CDK12: variants seen among roughly 807,000 people sequenced by gnomAD.
CDK12 encodes the protein cyclin dependent kinase 12, also known as cyclin-dependent kinase 12.
Under a neutral mutation model 133.8 loss-of-function variants are expected in CDK12, and 17 were observed. The observed-to-expected ratio is 0.13, with a 90% CI of 0.09 to 0.19. The LOEUF (loss-of-function observed/expected upper bound fraction) is 0.19. CDK12 is among the 10% of genes least tolerant of loss of function. The pLI is 1.00. For synonymous variants in CDK12, 694 were observed against 683.6 expected (o/e 1.02, Z -0.24); for missense variants, 1,508 against 1,818.7 (o/e 0.83, Z 3.11).
intron 2 of CDK12, among the ~76,000 whole-genome samples, chr17:39,476,747 G>C (rs1384790562): frequency 1.5e-4 from 1 of 6,556 alleles, no homozygotes; most frequent in African/African-American, 3.1e-4. Flanking sequence ...TTTTGAGACA[G>C]AGTTCTGCTC....
intron 11 of CDK12, among the ~76,000 whole-genome samples, chr17:39,520,907 G>A (rs2054124263): frequency 2.0e-5 from 3 of 152,004 alleles, no homozygotes; most frequent in Admixed American, 2.0e-4. Flanking sequence ...GAGTACAATG[G>A]CGCAATCTCA....
chr17:39,472,586 A>G (rs564438268), intron 2 of CDK12, among the ~76,000 whole-genome samples: 328 of 152,046 alleles, frequency 2.2e-3, no homozygotes, highest in Non-Finnish European at 3.9e-3. Flanking sequence ...AGGCAGGAGA[A>G]TTGCTTGAAC....
Position 39,461,545 on chromosome 17 carries a change from G to A in CDK12, c.-527G>A. ...GGTCTGTGTGAGGGAGAGAGTGTGT[G>A]TGGTGTGGAGGTGAAACGGAGGCAA... On this transcript the variant is annotated 5_prime_UTR_variant, in exon 1 of 14. It adds an upstream start codon to the 5' untranslated region. Transcript: ENST00000447079. 4.0e-6 allele frequency: 1 copy of A among 249,278 alleles called. No homozygotes were observed. Among genetic ancestry groups the A allele is most frequent in the Non-Finnish European group, 7.9e-6 (1 of 125,914 alleles). The allele number at this position is 249,278 out of a possible 1,614,324, so 15.4% of individuals were successfully genotyped here.
intron 2 of CDK12, among the ~76,000 whole-genome samples, chr17:39,474,268 A>G (rs911818678): frequency 6.6e-6 from 1 of 152,214 alleles, no homozygotes; most frequent in African/African-American, 2.4e-5. Context: ...CCGATCTTGC[A>G]TCCTAGCCTA....
downstream of CDK12, among the ~76,000 whole-genome samples, chr17:39,536,097 G>A (rs2055122216): frequency 6.6e-6 from 1 of 152,252 alleles, no homozygotes; most frequent in Middle Eastern, 3.4e-3. Flanking sequence ...CCAAGCCAGA[G>A]TTGAAAGACT....
At chr17:39,467,018 C>T (rs761695790) in intron 1 of CDK12, among the ~76,000 whole-genome samples, 7 of 151,614 alleles carry the variant, frequency 4.6e-5, no homozygotes, top group Non-Finnish European at 7.4e-5. Flanking sequence ...GAGTTTCTGT[C>T]GCCAGGCTGG....
At chr17:39,478,939 G>C (rs1046967704) in intron 2 of CDK12, among the ~76,000 whole-genome samples, 3 of 151,934 alleles carry the variant, frequency 2.0e-5, no homozygotes, top group African/African-American at 7.3e-5. Context: ...CCATGTACCA[G>C]CTGCTCCATA....
chr17:39,468,600 C>T (rs943798674), intron 1 of CDK12, among the ~76,000 whole-genome samples: 2 of 151,832 alleles, frequency 1.3e-5, no homozygotes, highest in Non-Finnish European at 2.9e-5. Flanking sequence ...TTCAGCCTCC[C>T]GAGTAGCTGG....
chr17:39,462,220 C>G lies in CDK12; in HGVS notation c.149C>G (p.Ser50Cys). The G allele has an allele frequency of 6.2e-7, 1 of 1,614,210 alleles. No individual in the cohort carries two copies. The change falls in exon 1 of 14, where the codon TCC becomes TGC. Residue 50 changes from serine to cysteine, a missense_variant. Physicochemically the swap from Ser to Cys is moderately radical, Grantham distance 112. Around this residue, in one of 9 missense-constraint regions of CDK12, gnomAD observed 460 missense variants for 490.8 expected, o/e 0.94. Transcript: ENST00000447079. Reference sequence around the variant, plus strand: ...CACAAGCGGCATAAGTCCAAACACTCCAAAGACATGGGGTTGGTGACCCCC... The same window carrying G: ...CACAAGCGGCATAAGTCCAAACACTGCAAAGACATGGGGTTGGTGACCCCC... Reference protein sequence around the residue: ...SKHKRHKSKHSKDMGLVTPEA... With the variant: ...SKHKRHKSKHCKDMGLVTPEA...
chr17:39,468,344 CTA>C (rs1160880729), intron 1 of CDK12, among the ~76,000 whole-genome samples: 1 of 152,062 alleles, frequency 6.6e-6, no homozygotes, highest in Non-Finnish European at 1.5e-5. Flanking sequence ...GTCAGTCTTA[CTA>C]TATGTCAGTC....
At chr17:39,544,388 A>G (rs530888338), upstream of CDK12, 1 of 471,090 alleles carries the variant, frequency 2.1e-6, no homozygotes, top group Non-Finnish European at 4.3e-6. Context: ...ATCAGAGGTC[A>G]CTGGCCTGCT....
upstream of CDK12, among the ~76,000 whole-genome samples, chr17:39,545,719 T>G (rs1301429341): frequency 6.8e-6 from 1 of 146,336 alleles, no homozygotes; most frequent in South Asian, 2.2e-4. Flanking sequence ...AGGCTGGTCT[T>G]GAACTCCTGA....
intron 8 of CDK12, among the ~76,000 whole-genome samples, chr17:39,514,795 A>G (rs2053696295): frequency 6.6e-6 from 1 of 152,208 alleles, no homozygotes; most frequent in Non-Finnish European, 1.5e-5. Flanking sequence ...TTGACATAAC[A>G]TATCCACCAG....
chr17:39,467,906 T>G (rs533807653), intron 1 of CDK12, among the ~76,000 whole-genome samples: 31 of 152,220 alleles, frequency 2.0e-4, no homozygotes, highest in Admixed American at 8.5e-4. Context: ...TTTTGTTTTT[T>G]TTTTTGAGAT....
At position 39,492,859 on chromosome 17, in the gene CDK12, C is replaced by T. The variant is rs1357908774; in HGVS notation, c.2217C>T (p.Gly739=). 1.4e-5 allele frequency: 23 copies of T among 1,612,400 alleles called. No homozygotes were observed. The highest frequency in any genetic ancestry group is 2.0e-5 in the Non-Finnish European group (23 of 1,179,256). Residue 739 remains glycine (G), a synonymous_variant, in exon 4 of 14, where the codon GGC becomes GGT. Transcript: ENST00000447079. ...IIGIIGEGTY[G]QVYKAKDKDT... Reference sequence around the variant, plus strand: ...GGATTATTGGAGAAGGAACCTATGGCCAAGTATATAAAGCCAAGGACAAAG... The same window carrying T: ...GGATTATTGGAGAAGGAACCTATGGTCAAGTATATAAAGCCAAGGACAAAG...
At chr17:39,465,691 A>G (rs2049258535) in intron 1 of CDK12, among the ~76,000 whole-genome samples, 1 of 151,932 alleles carries the variant, frequency 6.6e-6, no homozygotes, top group South Asian at 2.1e-4. Context: ...GGGCTTTACC[A>G]TGTTGGCCAG....
chr17:39,476,958 C>T (rs1049521535), intron 2 of CDK12, among the ~76,000 whole-genome samples: 2 of 151,370 alleles, frequency 1.3e-5, no homozygotes, highest in African/African-American at 4.9e-5. Context: ...AAATGATCCA[C>T]CTGCCTCGGG....
At chr17:39,520,151 C>A in intron 11 of CDK12, 64 bp downstream of exon 11, 1 of 1,565,504 alleles carries the variant, frequency 6.4e-7, no homozygotes, top group Non-Finnish European at 8.7e-7. Context: ...ATGAGAAACT[C>A]ATAAAAGAAC....
At chr17:39,513,941 C>T (rs1371392407) in intron 8 of CDK12, among the ~76,000 whole-genome samples, 2 of 152,118 alleles carry the variant, frequency 1.3e-5, no homozygotes, top group African/African-American at 4.8e-5. Flanking sequence ...AGTCTGAAAA[C>T]CTAGTGGTTT....
Sources: allele counts gnomAD v4.1 joint callset (sites outside exome capture counted in the v4.1 genomes callset), GRCh38; gene constraint gnomAD v4.1.1; regional missense constraint gnomAD v4.1.1; transcripts MANE v1.5; gene names NCBI Gene and HGNC (gene_info 2026-07-23, HGNC 2026-07-21).